Variants in CHN2 observed in about 807,000 individuals in gnomAD.
The protein encoded by CHN2 is chimerin 2.
Under a neutral mutation model 56.3 loss-of-function variants are expected in CHN2, and 35 were observed. The observed-to-expected ratio is 0.62, with a 90% CI of 0.47 to 0.82. CHN2 has a LOEUF of 0.82. Ranked by LOEUF, CHN2 falls within the 40% of genes least tolerant of loss-of-function variation. The pLI is 0.00. For synonymous variants in CHN2, 210 were observed against 212.8 expected, an observed-to-expected ratio of 0.99 and a Z score of 0.12; for missense variants, 491 against 580.5, an observed-to-expected ratio of 0.85 and a Z score of 1.58.
intron 1 of CHN2, among the ~76,000 whole-genome samples, chr7:29,347,497 T>G (rs1481345933): frequency 6.6e-6 from 1 of 152,130 alleles, no homozygotes; most frequent in East Asian, 1.9e-4. Flanking sequence ...AGGCACCTTC[T>G]TCACAAGGTG....
intron 1 of CHN2, among the ~76,000 whole-genome samples, chr7:29,228,877 C>T (rs1199008101): frequency 3.3e-5 from 5 of 152,222 alleles, no homozygotes; most frequent in African/African-American, 1.2e-4. Flanking sequence ...GGGCCTCTGG[C>T]GCTGCACCGC....
At chr7:29,229,236 C>T (rs1562848590) in intron 1 of CHN2, among the ~76,000 whole-genome samples, 1 of 152,196 alleles carries the variant, frequency 6.6e-6, no homozygotes, top group Admixed American at 6.5e-5. Flanking sequence ...TCTACCCACA[C>T]ATGTCTTTAC....
intron 1 of CHN2, among the ~76,000 whole-genome samples, chr7:29,293,646 T>G (rs1289542790): frequency 2.6e-5 from 4 of 152,114 alleles, no homozygotes; most frequent in Non-Finnish European, 5.9e-5. Flanking sequence ...TTGCTGTGCC[T>G]CCTGCTTCGA....
chr7:29,433,892 A>T (rs61664081), intron 6 of CHN2, among the ~76,000 whole-genome samples: 1 of 150,932 alleles, frequency 6.6e-6, no homozygotes, highest in African/African-American at 2.4e-5. Flanking sequence ...GAAGGGAGGA[A>T]GGGATGAAGG....
At chr7:29,368,537 A>G (rs750348444) in intron 3 of CHN2, among the ~76,000 whole-genome samples, 53 of 152,038 alleles carry the variant, frequency 3.5e-4, no homozygotes, top group Non-Finnish European at 5.4e-4. Context: ...CTAAGGCTCT[A>G]TTTTCTTTTT....
chr7:29,435,894 C>CTTTTTTT (rs57786505), intron 6 of CHN2, among the ~76,000 whole-genome samples: 3 of 137,424 alleles, frequency 2.2e-5, no homozygotes, highest in Non-Finnish European at 4.7e-5. Context: ...GAAGCGCCTC[C>CTTTTTTT]TTTTTTTTTT....
At chr7:29,325,381 T>A (rs1290355247) in intron 1 of CHN2, among the ~76,000 whole-genome samples, 1 of 152,220 alleles carries the variant, frequency 6.6e-6, no homozygotes, top group East Asian at 1.9e-4. Context: ...TTCTTTGTTT[T>A]GTCCTTGGCA....
intron 2 of CHN2, among the ~76,000 whole-genome samples, chr7:29,361,904 T>C (rs1449050706): frequency 2.0e-5 from 3 of 152,246 alleles, no homozygotes; most frequent in Non-Finnish European, 2.9e-5. Flanking sequence ...ACTCACACTT[T>C]CACAACCTCA....
intron 6 of CHN2, among the ~76,000 whole-genome samples, chr7:29,405,559 C>A (rs868080538): frequency 6.6e-6 from 1 of 152,104 alleles, no homozygotes; most frequent in Admixed American, 6.6e-5. Context: ...CAAACTGCTG[C>A]CAAGCCAACT....
chr7:29,219,752 A>C (rs1785622692), intron 1 of CHN2, among the ~76,000 whole-genome samples: 1 of 152,218 alleles, frequency 6.6e-6, no homozygotes, highest in Non-Finnish European at 1.5e-5. Context: ...AAAAATTATC[A>C]TGAGAGATAA....
At chr7:29,225,203 T>G (rs1786094057) in intron 1 of CHN2, among the ~76,000 whole-genome samples, 1 of 152,198 alleles carries the variant, frequency 6.6e-6, no homozygotes, top group South Asian at 2.1e-4. Context: ...CATCAAATAC[T>G]TCACGAATAA....
At chr7:29,320,269 T>C (rs1795238024) in intron 1 of CHN2, among the ~76,000 whole-genome samples, 1 of 152,128 alleles carries the variant, frequency 6.6e-6, no homozygotes, top group Non-Finnish European at 1.5e-5. Context: ...CACAGGAGAA[T>C]TGGGTCCCAG....
At chr7:29,487,486 C>T (rs1050104323) in intron 7 of CHN2, among the ~76,000 whole-genome samples, 1 of 152,096 alleles carries the variant, frequency 6.6e-6, no homozygotes, top group Non-Finnish European at 1.5e-5. Flanking sequence ...TTACAAAGTC[C>T]TTGTTTTCAA....
intron 6 of CHN2, among the ~76,000 whole-genome samples, chr7:29,457,323 G>A (rs1784840854): frequency 6.6e-6 from 1 of 152,078 alleles, no homozygotes; most frequent in Admixed American, 6.5e-5. Context: ...CTGTGCTCCC[G>A]CTGAGTGATA....
intron 6 of CHN2, among the ~76,000 whole-genome samples, chr7:29,479,502 C>G (rs1786899127): frequency 6.6e-6 from 1 of 152,150 alleles, no homozygotes; most frequent in South Asian, 2.1e-4. Flanking sequence ...CAATGTAATG[C>G]ATGCATAAGA....
chr7:29,285,720 A>G (rs969974944), intron 1 of CHN2, among the ~76,000 whole-genome samples: 1 of 152,208 alleles, frequency 6.6e-6, no homozygotes, highest in African/African-American at 2.4e-5. Flanking sequence ...ATTGTGTCTC[A>G]TCAGGGATCT....
intron 3 of CHN2, among the ~76,000 whole-genome samples, chr7:29,388,972 C>T (rs1378326532): frequency 6.6e-6 from 1 of 152,212 alleles, no homozygotes; most frequent in Non-Finnish European, 1.5e-5. Context: ...ACATCTGTTA[C>T]ATGGGCCTGG....
intron 1 of CHN2, among the ~76,000 whole-genome samples, chr7:29,284,171 C>G (rs1023043787): frequency 6.6e-6 from 1 of 152,078 alleles, no homozygotes; most frequent in African/African-American, 2.4e-5. Flanking sequence ...TCTCCCCTCA[C>G]TACAACCTCC....
At chr7:29,482,382 T>G (rs1787350075) in intron 7 of CHN2, among the ~76,000 whole-genome samples, 1 of 152,214 alleles carries the variant, frequency 6.6e-6, no homozygotes, top group South Asian at 2.1e-4. Context: ...GCATCCCCTT[T>G]GTCCTTCCTT....
Sources: allele counts gnomAD v4.1 joint callset (sites outside exome capture counted in the v4.1 genomes callset), GRCh38; gene constraint gnomAD v4.1.1; transcripts MANE v1.5; gene names NCBI Gene and HGNC (gene_info 2026-07-23, HGNC 2026-07-21).